The following POM121 variants were observed in gnomAD, a reference collection of about 807,000 sequenced individuals.
POM121 encodes the protein nuclear envelope pore membrane protein POM 121.
POM121 carries 32 observed loss-of-function variants against 81.3 expected under a neutral mutation model. The observed-to-expected ratio is 0.39, with a 90% CI of 0.30 to 0.53. The LOEUF (loss-of-function observed/expected upper bound fraction) is 0.53. POM121 is among the 20% of genes least tolerant of loss of function. The probability of loss-of-function intolerance (pLI) is 0.66; values close to 1 mark genes in which losing one functional copy is unlikely to be tolerated. For synonymous variants in POM121, 514 were observed against 694.2 expected, an observed-to-expected ratio of 0.74 and a Z score of 4.08; for missense variants, 1,138 against 1,614.6, an observed-to-expected ratio of 0.70 and a Z score of 5.06.
chr7:72,896,920 AC>A (rs781934617), intron 3 of POM121, among the ~76,000 whole-genome samples: 10 of 152,408 alleles, frequency 6.6e-5, no homozygotes, highest in Non-Finnish European at 1.3e-4. Context: ...AAAGATGGAC[AC>A]TAAAATATAT....
chr7:72,892,671 T>A (rs1243173678), intron 3 of POM121, among the ~76,000 whole-genome samples: 3 of 151,218 alleles, frequency 2.0e-5, no homozygotes, highest in Admixed American at 2.0e-4. Context: ...CTTCCTTCCT[T>A]CCTTCCATTT....
intron 3 of POM121, among the ~76,000 whole-genome samples, chr7:72,896,528 G>A (rs1274596827): frequency 1.1e-4 from 15 of 139,452 alleles, no homozygotes; most frequent in Admixed American, 6.6e-4. Context: ...ATGGTGGCAC[G>A]CACCTGTAGT....
intron 3 of POM121, among the ~76,000 whole-genome samples, chr7:72,900,391 C>T (rs1792488127): frequency 1.3e-5 from 2 of 148,352 alleles, no homozygotes; most frequent in South Asian, 2.1e-4. Context: ...TTTGATTAGT[C>T]TGGCTAGGGA....
intron 3 of POM121, among the ~76,000 whole-genome samples, chr7:72,897,342 C>T (rs1430217424): frequency 2.0e-5 from 3 of 152,058 alleles, no homozygotes; most frequent in African/African-American, 7.2e-5. Context: ...AAAGGAACAG[C>T]ATTCCAGAGA....
upstream of POM121, among the ~76,000 whole-genome samples, chr7:72,920,177 T>A (rs1794666794): frequency 6.6e-6 from 1 of 152,156 alleles, no homozygotes; most frequent in African/African-American, 2.4e-5. Flanking sequence ...AATGTTAATG[T>A]CTTTCTCTGC....
intron 4 of POM121, among the ~76,000 whole-genome samples, chr7:72,919,807 C>A (rs1794632475): frequency 6.6e-6 from 1 of 152,154 alleles, no homozygotes; most frequent in Non-Finnish European, 1.5e-5. Context: ...ATATTTTCAT[C>A]ACACATAAAA....
chr7:72,924,238 G>A (rs1156728088), upstream of POM121, among the ~76,000 whole-genome samples: 24 of 152,052 alleles, frequency 1.6e-4, no homozygotes, highest in Admixed American at 1.0e-3. Context: ...GAGCCACCGC[G>A]CCCGGCCTGA....
intron 5 of POM121, among the ~76,000 whole-genome samples, chr7:72,933,042 A>C (rs1227241395): frequency 6.9e-6 from 1 of 144,960 alleles, no homozygotes; most frequent in African/African-American, 2.6e-5. Context: ...ACAGAGTGAG[A>C]CTCTGTCTCA....
chr7:72,895,128 T>A (rs1187315260), intron 3 of POM121, among the ~76,000 whole-genome samples: 1 of 152,220 alleles, frequency 6.6e-6, no homozygotes, highest in Non-Finnish European at 1.5e-5. Context: ...GCACCCGGCC[T>A]GTCTGTTCTG....
chr7:72,906,942 A>T (rs1400721912), intron 3 of POM121, among the ~76,000 whole-genome samples: 3 of 151,926 alleles, frequency 2.0e-5, no homozygotes, highest in East Asian at 1.9e-4. Flanking sequence ...AGTCATTTTT[A>T]AAAAAACAGA....
Position 72,928,280 on chromosome 7 carries a change from C to T in POM121, c.1023-105C>T, listed in dbSNP as rs140319622. On this transcript the variant is annotated intron_variant, in intron 3 of 12. Coordinates refer to ENST00000434423, the MANE Select transcript of POM121 (RefSeq NM_001387691.1). ...ACCATTTTCTGGTCTATCATGGAAT[C>T]TGTGCTCCATAGAGATAGTATAAGG... 5.0e-4 allele frequency: 723 copies of T among 1,450,940 alleles called. No homozygotes were observed. In the African/African-American group the frequency reaches 8.8e-3, roughly 18 times the overall value. 89.9% of individuals were successfully genotyped at this position (1,450,940 alleles called of 1,614,324 possible). A position where few individuals can be genotyped will look rare whatever the true frequency, so the allele number is the denominator to read the frequency against.
intron 3 of POM121, among the ~76,000 whole-genome samples, chr7:72,903,652 T>TTAACA (rs1290492146): frequency 4.6e-5 from 7 of 152,180 alleles, no homozygotes; most frequent in Non-Finnish European, 7.3e-5. Context: ...TTAACAGAGA[T>TTAACA]TTCCTTGAAT....
chr7:72,919,041 T>C (rs1794558164), intron 4 of POM121, among the ~76,000 whole-genome samples: 2 of 152,044 alleles, frequency 1.3e-5, no homozygotes, highest in African/African-American at 4.8e-5. Context: ...CCTTGTGATC[T>C]GCCTGCCTCG....
At chr7:72,939,716 C>A (rs1554500353) in intron 7 of POM121, 131 bp from the exon 8 acceptor site, 1 of 1,603,310 alleles carries the variant, frequency 6.2e-7, no homozygotes, top group East Asian at 2.2e-5. Context: ...TCCAAGCAAC[C>A]AAACCATAGA....
intron 3 of POM121, among the ~76,000 whole-genome samples, chr7:72,908,992 A>G (rs1793551422): frequency 6.6e-6 from 1 of 152,262 alleles, no homozygotes; most frequent in South Asian, 2.1e-4. Context: ...AGACAGGCAT[A>G]GAAAATCACA....
intron 3 of POM121, among the ~76,000 whole-genome samples, chr7:72,901,761 C>G (rs1288214282): frequency 6.6e-6 from 1 of 151,170 alleles, no homozygotes; most frequent in Non-Finnish European, 1.5e-5. Flanking sequence ...CCTCAGCCTT[C>G]CAAGGTGCTG....
chr7:72,895,895 C>A (rs1468451562), intron 3 of POM121, among the ~76,000 whole-genome samples: 1 of 150,424 alleles, frequency 6.6e-6, no homozygotes, highest in Non-Finnish European at 1.5e-5. Context: ...GGTGACAGAG[C>A]AAGACTGTCT....
At chr7:72,921,920 T>A (rs1794850090), upstream of POM121, among the ~76,000 whole-genome samples, 1 of 152,234 alleles carries the variant, frequency 6.6e-6, no homozygotes, top group Non-Finnish European at 1.5e-5. Context: ...CTACCCAGAA[T>A]GGGATTGTGG....
chr7:72,880,820 A>T (rs1251232440), intron 1 of POM121, among the ~76,000 whole-genome samples: 3 of 146,706 alleles, frequency 2.0e-5, no homozygotes, highest in African/African-American at 5.1e-5. Context: ...CAGGAGGTCG[A>T]GGCTGCAGAG....
Sources: gnomAD v4.1 joint callset for allele counts (sites outside exome capture counted in the v4.1 genomes callset) on GRCh38, gnomAD v4.1.1 for gene constraint, MANE v1.5 for transcripts, NCBI Gene and HGNC (gene_info 2026-07-23, HGNC 2026-07-21) for gene names.